STK33: variants seen among roughly 807,000 people sequenced by gnomAD.
STK33 encodes the protein serine/threonine kinase 33.
Under a neutral mutation model 58.0 loss-of-function variants are expected in STK33, and 52 were observed. The ratio of observed to expected loss-of-function variants is 0.90; its 90% CI spans 0.72 to 1.13. STK33 has a LOEUF of 1.13. Ranked by LOEUF, STK33 falls within the 50% of genes most tolerant of loss-of-function variation. The pLI is 0.00. For missense variants in STK33, 630 were observed against 604.2 expected, an observed-to-expected ratio of 1.04 and a Z score of -0.45; for synonymous variants, 215 against 200.1, an observed-to-expected ratio of 1.07 and a Z score of -0.63.
At chr11:8,549,643 C>T (rs1956172614) in intron 1 of STK33, among the ~76,000 whole-genome samples, 1 of 152,100 alleles carries the variant, frequency 6.6e-6, no homozygotes, top group African/African-American at 2.4e-5. Flanking sequence ...CTTCTGATTG[C>T]TGCTTCAATC....
chr11:8,459,214 T>TA, intron 8 of STK33, among the ~76,000 whole-genome samples: 1 of 152,270 alleles, frequency 6.6e-6, no homozygotes, highest in Non-Finnish European at 1.5e-5. Flanking sequence ...GGAGAACACT[T>TA]AGACTCACAA....
the STK33 span, among the ~76,000 whole-genome samples, chr11:8,336,347 C>T: frequency 6.6e-6 from 1 of 152,204 alleles, no homozygotes; most frequent in Admixed American, 6.5e-5. Flanking sequence ...ACAATGGCAG[C>T]ACAACTAATA....
the STK33 span, among the ~76,000 whole-genome samples, chr11:8,347,162 C>T: frequency 1.3e-5 from 2 of 152,196 alleles, no homozygotes; most frequent in African/African-American, 4.8e-5. Flanking sequence ...TTCGATATAT[C>T]TTCATTCAAC....
chr11:8,560,824 T>C (rs1957067992), intron 1 of STK33, among the ~76,000 whole-genome samples: 1 of 152,140 alleles, frequency 6.6e-6, no homozygotes, highest in African/African-American at 2.4e-5. Flanking sequence ...CAGATGAAGA[T>C]TCTACAGCTA....
At chr11:8,546,019 T>C (rs1028295089) in intron 1 of STK33, among the ~76,000 whole-genome samples, 1 of 152,178 alleles carries the variant, frequency 6.6e-6, no homozygotes, top group African/African-American at 2.4e-5. Flanking sequence ...CTGTAGGCAA[T>C]TGTAACACGA....
chr11:8,430,143 C>T (rs902733327), intron 14 of STK33, among the ~76,000 whole-genome samples: 2 of 152,156 alleles, frequency 1.3e-5, no homozygotes, highest in South Asian at 4.1e-4. Context: ...ATAGCTCTAA[C>T]CTTCCTTTTC....
rs566274999 is a variant in STK33, at chr11:8,462,000, T to A, written c.454-91A>T. The A allele has an allele frequency of 3.0e-5, 27 of 886,676 alleles. 1 individual carries two copies. The South Asian group carries it at 6.1e-4, about 20-fold the overall frequency. The allele number at this position is 886,676 out of a possible 1,614,324, so 54.9% of individuals were successfully genotyped here. On this transcript the variant is annotated intron_variant, in intron 7 of 15. Coordinates refer to ENST00000687296, the MANE Select transcript of STK33 (RefSeq NM_001352389.2). Reference sequence around the variant, plus strand: ...GTTATTTTATGTTTTCCTACTTTTTTTCCTGTAACTTCATATTTGAAGTGA... The same window carrying A: ...GTTATTTTATGTTTTCCTACTTTTTATCCTGTAACTTCATATTTGAAGTGA...
At position 8,391,951 on chromosome 11, in the gene STK33, TCTC is replaced by T. The variant is rs1457029244; in HGVS notation, c.*556_*558del. The stretch of plus-strand genomic sequence containing the variant: ...AAGTTAATGGCAAGCAGTTACAAAA[TCTC>T]CTATTTTTCTACATTTAAAATAAGC... On this transcript the variant is annotated 3_prime_UTR_variant, in exon 16 of 16. Coordinates refer to ENST00000687296, the MANE Select transcript of STK33 (RefSeq NM_001352389.2). The T allele has an allele frequency of 1.3e-5, 2 of 153,536 alleles. No individual in the cohort carries two copies. Among genetic ancestry groups the T allele is most frequent in the Non-Finnish European group, 2.9e-5 (2 of 68,704 alleles). The allele number at this position is 153,536 out of a possible 1,614,324, so 9.5% of individuals were successfully genotyped here. A position where few individuals can be genotyped will look rare whatever the true frequency, so the allele number is the denominator to read the frequency against.
rs968504726 is a variant in STK33, at chr11:8,436,145, A to T, written c.948-6T>A. The T allele has an allele frequency of 6.6e-7, 1 of 1,516,348 alleles. No individual in the cohort carries two copies. The highest frequency in any genetic ancestry group is 1.4e-5 in the African/African-American group (1 of 71,434). 93.9% of individuals were successfully genotyped at this position (1,516,348 alleles called of 1,614,324 possible). On this transcript the variant is annotated splice_polypyrimidine_tract_variant and splice_region_variant and intron_variant, in intron 12 of 15. Coordinates refer to ENST00000687296, the MANE Select transcript of STK33 (RefSeq NM_001352389.2). ...AGGGTGGTTCTCCACGTAATCTGCAACAAAGGCAATCACTTTGTTTAAATT... is the reference window on the plus strand; with the variant it reads ...AGGGTGGTTCTCCACGTAATCTGCATCAAAGGCAATCACTTTGTTTAAATT...
the STK33 span, among the ~76,000 whole-genome samples, chr11:8,345,159 A>G: frequency 6.6e-6 from 1 of 152,184 alleles, no homozygotes; most frequent in Non-Finnish European, 1.5e-5. Flanking sequence ...AAGCATCTCC[A>G]GAGCTTCACC....
At chr11:8,580,046 G>A (rs995908081) in intron 1 of STK33, among the ~76,000 whole-genome samples, 2 of 152,116 alleles carry the variant, frequency 1.3e-5, no homozygotes, top group African/African-American at 2.4e-5. Flanking sequence ...CCACTATGGA[G>A]AACAGTTTGG....
At chr11:8,396,920 C>T (rs886702641) in intron 15 of STK33, among the ~76,000 whole-genome samples, 8 of 152,192 alleles carry the variant, frequency 5.3e-5, no homozygotes, top group African/African-American at 1.9e-4. Context: ...GGGAGAGGGG[C>T]GCCCGCCATT....
chr11:8,562,509 A>AG (rs11405618), intron 1 of STK33, among the ~76,000 whole-genome samples: 81,699 of 152,016 alleles, frequency 0.54, 22,120 homozygotes, highest in South Asian at 0.65. Flanking sequence ...CAGTCTAAAC[A>AG]GTGTATAACA....
rs368087983 is a variant in STK33, at chr11:8,461,973, A to G, written c.454-64T>C. On this transcript the variant is annotated intron_variant, in intron 7 of 15. Transcript: ENST00000687296. ...ATCACTCCTACATTCCTTGATAGAA[A>G]AGTTATTTTATGTTTTCCTACTTTT... 33 of 1,285,200 alleles carry G rather than the reference A, an allele frequency of 2.6e-5. No individual in the cohort carries two copies. In the African/African-American group the frequency reaches 2.9e-4, roughly 11 times the overall value. 79.6% of individuals were successfully genotyped at this position (1,285,200 alleles called of 1,614,324 possible). A position where few individuals can be genotyped will look rare whatever the true frequency, so the allele number is the denominator to read the frequency against.
chr11:8,366,053 T>G, the STK33 span, among the ~76,000 whole-genome samples: 1 of 152,142 alleles, frequency 6.6e-6, no homozygotes, highest in Non-Finnish European at 1.5e-5. Flanking sequence ...TTAGACAAAG[T>G]CCATACAGGA....
intron 11 of STK33, among the ~76,000 whole-genome samples, chr11:8,449,052 T>G (rs1945911136): frequency 1.3e-5 from 2 of 151,716 alleles, no homozygotes; most frequent in African/African-American, 4.9e-5. Context: ...TCACTGGCCA[T>G]CAGAGAAATG....
At chr11:8,395,173 C>A (rs1440378913) in intron 15 of STK33, among the ~76,000 whole-genome samples, 2 of 152,272 alleles carry the variant, frequency 1.3e-5, no homozygotes, top group African/African-American at 4.8e-5. Context: ...GGCTGTGTCC[C>A]CACCCAAGTC....
intron 8 of STK33, among the ~76,000 whole-genome samples, chr11:8,459,907 G>A (rs1947313780): frequency 6.6e-6 from 1 of 152,202 alleles, no homozygotes; most frequent in Non-Finnish European, 1.5e-5. Flanking sequence ...AGGGCAGAGG[G>A]AACAATCACT....
At chr11:8,499,454 C>T (rs375747572) in intron 1 of STK33, among the ~76,000 whole-genome samples, 6 of 152,198 alleles carry the variant, frequency 3.9e-5, no homozygotes, top group Middle Eastern at 3.4e-3. Flanking sequence ...GAAATAGGAG[C>T]GCTGTTACAC....
Sources: gnomAD v4.1 joint callset for allele counts (sites outside exome capture counted in the v4.1 genomes callset) on GRCh38, gnomAD v4.1.1 for gene constraint, MANE v1.5 for transcripts, NCBI Gene and HGNC (gene_info 2026-07-23, HGNC 2026-07-21) for gene names.